Variants in GRIK1 observed in about 807,000 individuals in gnomAD.
GRIK1 encodes glutamate ionotropic receptor kainate type subunit 1, also known as glutamate receptor ionotropic, kainate 1.
A neutral mutation model predicts 105.7 loss-of-function variants in GRIK1; 69 were observed. That is an observed-to-expected ratio of 0.65 (90% CI 0.54 to 0.80). The LOEUF (loss-of-function observed/expected upper bound fraction) is 0.80. GRIK1 is among the 30% of genes least tolerant of loss of function. The probability of loss-of-function intolerance (pLI) is 0.00; values close to 1 mark genes in which losing one functional copy is unlikely to be tolerated. For missense variants in GRIK1, 1,109 were observed against 1,167.3 expected (o/e 0.95, Z 0.73); for synonymous variants, 438 against 431.3 (o/e 1.02, Z -0.19).
chr21:29,849,300 G>A (rs1176417809), intron 1 of GRIK1, among the ~76,000 whole-genome samples: 3 of 152,090 alleles, frequency 2.0e-5, no homozygotes, highest in African/African-American at 4.8e-5. Context: ...GAATTAAATC[G>A]ATTTGAATTA....
chr21:29,542,883 C>T (rs915021365), intron 16 of GRIK1, among the ~76,000 whole-genome samples: 2 of 152,074 alleles, frequency 1.3e-5, no homozygotes, highest in African/African-American at 4.8e-5. Flanking sequence ...CTCTGTGACA[C>T]AGTCTGATAA....
chr21:29,621,948 T>C, intron 7 of GRIK1, among the ~76,000 whole-genome samples: 1 of 150,880 alleles, frequency 6.6e-6, no homozygotes, highest in African/African-American at 2.5e-5. Context: ...TAACTTCTTT[T>C]TTCTTTTTTT....
chr21:29,538,584 A>G (rs2089919224), intron 16 of GRIK1, among the ~76,000 whole-genome samples: 1 of 152,144 alleles, frequency 6.6e-6, no homozygotes, highest in Admixed American at 6.6e-5. Flanking sequence ...CACAATAAAA[A>G]AAAAATCCTC....
chr21:29,839,113 G>A (rs1003138707), intron 1 of GRIK1, among the ~76,000 whole-genome samples: 5 of 151,970 alleles, frequency 3.3e-5, no homozygotes, highest in Middle Eastern at 3.2e-3. Flanking sequence ...GCAGTGGTGC[G>A]ATCTTGGCTC....
chr21:29,938,216 C>A (rs537407919), intron 1 of GRIK1, among the ~76,000 whole-genome samples: 4 of 152,330 alleles, frequency 2.6e-5, no homozygotes, highest in Middle Eastern at 3.4e-3. Flanking sequence ...TCTGGCACTG[C>A]TCCTGGCATA....
chr21:29,714,517 G>A lies in GRIK1; in HGVS notation c.119-20454C>T, dbSNP rs563768204. On this transcript the variant is annotated intron_variant, in intron 1 of 17. Coordinates refer to ENST00000327783, the MANE Select transcript of GRIK1 (RefSeq NM_001330994.2). Reference sequence around the variant, plus strand: ...ATTTGGTGCTGAAACCAGGACAGTAGGTCACCCTGTAACCTGACCAGTATG... The same window carrying A: ...ATTTGGTGCTGAAACCAGGACAGTAAGTCACCCTGTAACCTGACCAGTATG... 5.3e-5 allele frequency among the ~76,000 whole-genome samples: 8 copies of A among 152,234 alleles called. No individual in the cohort carries two copies. In the South Asian group the frequency reaches 1.7e-3, roughly 32 times the overall value.
chr21:29,895,013 G>A (rs1377875900), intron 1 of GRIK1, among the ~76,000 whole-genome samples: 1 of 152,164 alleles, frequency 6.6e-6, no homozygotes, highest in Admixed American at 6.5e-5. Flanking sequence ...ATTCAATTAA[G>A]ATGCTTTTTC....
chr21:29,717,848 A>G (rs1330644204), intron 1 of GRIK1, among the ~76,000 whole-genome samples: 1 of 152,264 alleles, frequency 6.6e-6, no homozygotes, highest in East Asian at 1.9e-4. Flanking sequence ...GCTGAATGAC[A>G]TGGTTTGGCT....
At chr21:29,826,271 T>C (rs891771941) in intron 1 of GRIK1, among the ~76,000 whole-genome samples, 1 of 152,116 alleles carries the variant, frequency 6.6e-6, no homozygotes. Flanking sequence ...AGACTCTCTC[T>C]CAATTGGCTC....
chr21:29,777,542 A>G (rs2065976924), intron 1 of GRIK1, among the ~76,000 whole-genome samples: 1 of 152,174 alleles, frequency 6.6e-6, no homozygotes, highest in South Asian at 2.1e-4. Context: ...CCAAGTCAAG[A>G]AAGCATTTGA....
chr21:29,931,442 C>A (rs76587969), intron 1 of GRIK1, among the ~76,000 whole-genome samples: 4 of 151,384 alleles, frequency 2.6e-5, no homozygotes, highest in Non-Finnish European at 4.4e-5. Context: ...GGTAACATAC[C>A]CTTTGCATCA....
rs150444228 is a variant in GRIK1, at chr21:29,838,354, G to A, written c.118+101029C>T. Among the ~76,000 whole-genome samples the A allele has an allele frequency of 1.1e-3, 170 of 152,004 alleles. 2 individuals are homozygous for A. The highest frequency in any genetic ancestry group is 9.8e-4 in the Admixed American group (15 of 15,260). On this transcript the variant is annotated intron_variant, in intron 1 of 17. Coordinates refer to ENST00000327783, the MANE Select transcript of GRIK1 (RefSeq NM_001330994.2). ...CTCTCTGAAGAACTTCAATGAAGAC[G>A]GATATCACAGAAAAAAAAAAGATTC...
chr21:29,737,841 C>T (rs1179558071), intron 1 of GRIK1, among the ~76,000 whole-genome samples: 1 of 152,382 alleles, frequency 6.6e-6, no homozygotes, highest in East Asian at 1.9e-4. Context: ...CGATCACCAT[C>T]TGAGACACAA....
chr21:29,883,267 T>C (rs2069492379), intron 1 of GRIK1, among the ~76,000 whole-genome samples: 1 of 152,132 alleles, frequency 6.6e-6, no homozygotes, highest in Non-Finnish European at 1.5e-5. Flanking sequence ...CTTTATAAAC[T>C]CTTGTGGTTC....
At chr21:29,855,897 T>G (rs417979) in intron 1 of GRIK1, among the ~76,000 whole-genome samples, 133,413 of 152,072 alleles carry the variant, frequency 0.88, 59,516 homozygotes, top group Non-Finnish European at 0.96. Flanking sequence ...AGAGCAGCTA[T>G]CTCCTAAAGT....
chr21:29,765,482 G>A (rs1052095525), intron 1 of GRIK1, among the ~76,000 whole-genome samples: 1 of 152,006 alleles, frequency 6.6e-6, no homozygotes, highest in East Asian at 1.9e-4. Flanking sequence ...ATTTATTTAA[G>A]TTATTGCATT....
At chr21:29,599,556 G>A (rs2061479186) in intron 7 of GRIK1, among the ~76,000 whole-genome samples, 1 of 152,162 alleles carries the variant, frequency 6.6e-6, no homozygotes, top group African/African-American at 2.4e-5. Flanking sequence ...CAGCGGGACC[G>A]TGCTCTCTCT....
chr21:29,641,165 A>G (rs569465145), intron 7 of GRIK1, among the ~76,000 whole-genome samples: 2 of 152,296 alleles, frequency 1.3e-5, no homozygotes, highest in East Asian at 3.9e-4. Flanking sequence ...CAAGAAGTGT[A>G]AGTAACTTGC....
chr21:29,537,370 C>A lies in GRIK1; in HGVS notation c.2710G>T (p.Ala904Ser), dbSNP rs151335244. The A allele has an allele frequency of 1.9e-6, 3 of 1,610,144 alleles. No homozygotes were observed. The highest frequency in any genetic ancestry group is 2.7e-5 in the African/African-American group (2 of 74,664). ...GAGATTCCCAGTTCTTCCATGATAGCGTTGAAAGAGAGACACTAGGGAACA... is the reference window on the plus strand; with the variant it reads ...GAGATTCCCAGTTCTTCCATGATAGAGTTGAAAGAGAGACACTAGGGAACA... ...LGVEKCLSFN[A>S]IMEELGISLK... is the part of the protein sequence containing the mutation. Residue 904 changes from alanine (A) to serine (S), a missense_variant, in exon 18 of 18, where the codon GCT becomes TCT. Ala to Ser is a moderately conservative substitution (Grantham distance 99). Around this residue, in one of 5 missense-constraint regions of GRIK1, gnomAD observed 161 missense variants for 143.4 expected, o/e 1.12. Coordinates refer to ENST00000327783, the MANE Select transcript of GRIK1 (RefSeq NM_001330994.2).
Sources: gnomAD v4.1 joint callset for allele counts (sites outside exome capture counted in the v4.1 genomes callset) on GRCh38, gnomAD v4.1.1 for gene constraint, gnomAD v4.1.1 regional missense constraint, MANE v1.5 for transcripts, NCBI Gene and HGNC (gene_info 2026-07-23, HGNC 2026-07-21) for gene names.